FAF1: variants seen among roughly 807,000 people sequenced by gnomAD.
FAF1 encodes the protein FAS-associated factor 1.
In FAF1, 25 loss-of-function variants were observed where a neutral mutation model predicts 92.5. The ratio of observed to expected loss-of-function variants is 0.27; its 90% CI spans 0.20 to 0.38. The LOEUF (loss-of-function observed/expected upper bound fraction) is 0.38. Among genes scored for constraint, FAF1 ranks in the 10% least tolerant of loss-of-function variants. The pLI is 1.00. For missense variants in FAF1, 636 were observed against 793.3 expected, an observed-to-expected ratio of 0.80 and a Z score of 2.38; for synonymous variants, 234 against 273.2, an observed-to-expected ratio of 0.86 and a Z score of 1.42.
At chr1:50,678,729 G>C (rs538176691) in intron 7 of FAF1, among the ~76,000 whole-genome samples, 2 of 129,340 alleles carry the variant, frequency 1.5e-5, no homozygotes, top group African/African-American at 3.0e-5. Flanking sequence ...GCAGTGAACC[G>C]AGACTGTGCC....
intron 15 of FAF1, among the ~76,000 whole-genome samples, chr1:50,525,056 T>C (rs1647721240): frequency 6.6e-6 from 1 of 152,136 alleles, no homozygotes; most frequent in African/African-American, 2.4e-5. Context: ...TGGCTAATTT[T>C]TGTATTTTTA....
At chr1:50,495,890 G>GT (rs1235401260) in intron 15 of FAF1, among the ~76,000 whole-genome samples, 3 of 152,000 alleles carry the variant, frequency 2.0e-5, no homozygotes, top group Non-Finnish European at 4.4e-5. Context: ...ATAAAGCCTG[G>GT]TTTTTCCCCA....
intron 8 of FAF1, among the ~76,000 whole-genome samples, chr1:50,632,780 T>G (rs964281127): frequency 6.6e-6 from 1 of 152,182 alleles, no homozygotes; most frequent in Non-Finnish European, 1.5e-5. Flanking sequence ...GTTTGTGGTG[T>G]TCTTCTTCTT....
rs561878528 is a variant in FAF1, at chr1:50,810,008, C to A, written c.115-8331G>T. Among the ~76,000 whole-genome samples, 16 of 152,310 alleles carry A rather than the reference C, an allele frequency of 1.1e-4. No individual in the cohort carries two copies. The South Asian group carries it at 3.3e-3, about 32-fold the overall frequency. On this transcript the variant is annotated intron_variant, in intron 2 of 18. Transcript: ENST00000396153. ...CAGTGGCTCATGCCTGTAATCCCAG[C>A]ACTTTGGGAGGCTGAGGCCCGTGGA...
At chr1:50,640,713 C>T (rs962478798) in intron 8 of FAF1, among the ~76,000 whole-genome samples, 1 of 151,774 alleles carries the variant, frequency 6.6e-6, no homozygotes, top group African/African-American at 2.4e-5. Context: ...ATTTCCTTTT[C>T]ATCTTTTAAC....
intron 4 of FAF1, among the ~76,000 whole-genome samples, chr1:50,764,679 A>G (rs1242251638): frequency 6.6e-6 from 1 of 152,168 alleles, no homozygotes; most frequent in Admixed American, 6.5e-5. Context: ...GTTGTTTCAT[A>G]TATTTTCTCC....
rs1390531985 is a variant in FAF1 at position 50,934,540 on chromosome 1, A to T, written c.45+25227T>A. ...AAGTTTGAGACCAGCCTGGGCAACA[A>T]AGTGAGACCCCGTCTCTACAAAAAA... On this transcript the variant is annotated intron_variant, in intron 1 of 18. Coordinates refer to ENST00000396153, the MANE Select transcript of FAF1 (RefSeq NM_007051.3). Among the ~76,000 whole-genome samples, 2 of 152,014 alleles carry T rather than the reference A, an allele frequency of 1.3e-5. 1 individual carries two copies. The highest frequency in any genetic ancestry group is 4.8e-5 in the African/African-American group (2 of 41,388).
chr1:50,638,896 C>T (rs1011210072), intron 8 of FAF1, among the ~76,000 whole-genome samples: 3 of 152,192 alleles, frequency 2.0e-5, no homozygotes, highest in African/African-American at 4.8e-5. Context: ...ATTCCAGTTG[C>T]ACAATATTCC....
chr1:50,908,932 T>G (rs936439095), intron 1 of FAF1, among the ~76,000 whole-genome samples: 1 of 152,244 alleles, frequency 6.6e-6, no homozygotes, highest in African/African-American at 2.4e-5. Context: ...GTTAGCTGGT[T>G]ACTTTCCTCA....
intron 2 of FAF1, among the ~76,000 whole-genome samples, chr1:50,857,163 C>T (rs1644396415): frequency 6.6e-6 from 1 of 151,732 alleles, no homozygotes; most frequent in African/African-American, 2.4e-5. Context: ...ATTAAGTCTA[C>T]ATAAAGCACA....
At chr1:50,756,056 C>G (rs767126093) in intron 4 of FAF1, among the ~76,000 whole-genome samples, 4 of 152,208 alleles carry the variant, frequency 2.6e-5, no homozygotes, top group Non-Finnish European at 5.9e-5. Flanking sequence ...TAACATTTGG[C>G]TCCTTATTAC....
At chr1:50,584,656 G>T (rs1372188691) in intron 10 of FAF1, 29 bp downstream of exon 10, 9 of 1,603,130 alleles carry the variant, frequency 5.6e-6, no homozygotes, top group Non-Finnish European at 7.7e-6. Flanking sequence ...GAATTCTATT[G>T]CTGGACCCAA....
intron 1 of FAF1, among the ~76,000 whole-genome samples, chr1:50,955,811 AG>A (rs1339447991): frequency 1.3e-5 from 2 of 152,232 alleles, no homozygotes; most frequent in Non-Finnish European, 2.9e-5. Flanking sequence ...AGCCTTTAAA[AG>A]AAATAAAATC....
In FAF1 at chr1:50,960,006, C is replaced by T. The variant is rs1345379513; in HGVS notation, c.-195G>A. ...GCTAGGCGCTCATGCACTCGGTAACCTTCAGGCGCCCCGGCCGCCCGCCTG... is the reference window on the plus strand; with the variant it reads ...GCTAGGCGCTCATGCACTCGGTAACTTTCAGGCGCCCCGGCCGCCCGCCTG... On this transcript the variant is annotated 5_prime_UTR_variant, in exon 1 of 19. Coordinates refer to ENST00000396153, the MANE Select transcript of FAF1 (RefSeq NM_007051.3). 2 of 394,784 alleles carry T rather than the reference C, an allele frequency of 5.1e-6. No individual in the cohort carries two copies. Among genetic ancestry groups the T allele is most frequent in the Non-Finnish European group, 8.9e-6 (2 of 224,356 alleles). 24.5% of individuals were successfully genotyped at this position (394,784 alleles called of 1,614,324 possible).
intron 1 of FAF1, among the ~76,000 whole-genome samples, chr1:50,885,982 T>A (rs1644659469): frequency 6.6e-6 from 1 of 152,246 alleles, no homozygotes; most frequent in South Asian, 2.1e-4. Context: ...ACTCTACATC[T>A]TAACATCAGC....
chr1:50,748,165 G>A (rs527692688), intron 4 of FAF1, among the ~76,000 whole-genome samples: 15 of 152,266 alleles, frequency 9.9e-5, no homozygotes, highest in Admixed American at 7.2e-4. Flanking sequence ...GGTCTGCAAA[G>A]GACAGACAAA....
chr1:50,690,473 C>T (rs920641588), intron 7 of FAF1, among the ~76,000 whole-genome samples: 1 of 152,076 alleles, frequency 6.6e-6, no homozygotes. Flanking sequence ...TGGTGGCACA[C>T]GTCTGTAATC....
chr1:50,556,697 T>C lies in FAF1; in HGVS notation c.1268+10380A>G, dbSNP rs1055287601. 6.6e-5 allele frequency among the ~76,000 whole-genome samples: 10 copies of C among 151,468 alleles called. No individual in the cohort carries two copies. In the East Asian group the frequency reaches 1.4e-3, roughly 21 times the overall value. On this transcript the variant is annotated intron_variant, in intron 13 of 18. Transcript: ENST00000396153. ...CAAAAAGATACAAAAATTAGCTGGA[T>C]GTAGTGGTGTGCACCTGTAGTCCCA...
rs147517574 is a variant in FAF1, at chr1:50,721,770, C to T, written c.552-15879G>A. 8.0e-3 allele frequency among the ~76,000 whole-genome samples: 1,211 copies of T among 152,134 alleles called. 13 individuals are homozygous for T. Among genetic ancestry groups the T allele is most frequent in the African/African-American group, 0.027 (1,133 of 41,490 alleles). ...TCCCAAGTAGCTAGGACTACAGGCA[C>T]GTGCCACTATGCCTGGCTGATTTTT... On this transcript the variant is annotated intron_variant, in intron 6 of 18. Transcript: ENST00000396153.
Sources: allele counts gnomAD v4.1 joint callset (sites outside exome capture counted in the v4.1 genomes callset), GRCh38; gene constraint gnomAD v4.1.1; transcripts MANE v1.5; gene names NCBI Gene and HGNC (gene_info 2026-07-23, HGNC 2026-07-21).